The following CSMD1 variants were observed in gnomAD, a reference collection of about 807,000 sequenced individuals.
CSMD1 encodes the protein CUB and Sushi multiple domains 1, also known as CUB and sushi domain-containing protein 1.
In CSMD1, 213 loss-of-function variants were observed where a neutral mutation model predicts 417.5. The observed-to-expected ratio is 0.51, with a 90% CI of 0.46 to 0.57. The LOEUF is 0.57. Ranked by LOEUF, CSMD1 falls within the 20% of genes least tolerant of loss-of-function variation. The pLI is 0.00. For synonymous variants in CSMD1, 2,862 were observed against 1,736.8 expected, an observed-to-expected ratio of 1.65 and a Z score of -16.11; for missense variants, 6,923 against 4,529.7, an observed-to-expected ratio of 1.53 and a Z score of -15.17.
chr8:3,838,314 T>A (rs138128981), intron 5 of CSMD1, among the ~76,000 whole-genome samples: 2 of 151,930 alleles, frequency 1.3e-5, no homozygotes, highest in Non-Finnish European at 2.9e-5. Flanking sequence ...GGCAGGAGGA[T>A]TGCTTGAGTC....
At chr8:4,303,420 C>CTTTTTTTTTTTTTT (rs1563419612) in intron 3 of CSMD1, among the ~76,000 whole-genome samples, 1 of 92,318 alleles carries the variant, frequency 1.1e-5, no homozygotes, top group Non-Finnish European at 2.1e-5. Context: ...GGGCAGGAAG[C>CTTTTTTTTTTTTTT]TGTTTTTTTT....
At chr8:4,913,981 A>G (rs1184125729) in intron 1 of CSMD1, among the ~76,000 whole-genome samples, 1 of 152,232 alleles carries the variant, frequency 6.6e-6, no homozygotes, top group Non-Finnish European at 1.5e-5. Context: ...TTTAAACTAT[A>G]AATTCTGTGA....
At chr8:3,294,764 G>T (rs1046348884) in intron 25 of CSMD1, among the ~76,000 whole-genome samples, 3 of 152,146 alleles carry the variant, frequency 2.0e-5, no homozygotes, top group African/African-American at 7.2e-5. Flanking sequence ...CTGACCCCTT[G>T]CACTTCCTGG....
intron 3 of CSMD1, among the ~76,000 whole-genome samples, chr8:4,407,092 A>G (rs924542175): frequency 6.6e-6 from 1 of 152,296 alleles, no homozygotes; most frequent in African/African-American, 2.4e-5. Context: ...TGGCGCTTTC[A>G]TACTGTAGCA....
At chr8:4,827,399 A>G (rs1039303069) in intron 1 of CSMD1, among the ~76,000 whole-genome samples, 1 of 152,140 alleles carries the variant, frequency 6.6e-6, no homozygotes, top group African/African-American at 2.4e-5. Flanking sequence ...CTCGACTTCA[A>G]AGCTGTCTGG....
Position 4,259,719 on chromosome 8 carries a change from C to A in CSMD1, c.415+160234G>T, listed in dbSNP as rs762049289. Among the ~76,000 whole-genome samples the A allele has an allele frequency of 2.6e-5, 4 of 151,866 alleles. No homozygotes were observed. In the South Asian group the frequency reaches 8.3e-4, roughly 32 times the overall value. On this transcript the variant is annotated intron_variant, in intron 3 of 69. Coordinates refer to ENST00000635120, the MANE Select transcript of CSMD1 (RefSeq NM_033225.6). ...TCATGTACACATTTCAATAATTTTGCCACAAATATATACACATACACATGT... is the reference window on the plus strand; with the variant it reads ...TCATGTACACATTTCAATAATTTTGACACAAATATATACACATACACATGT...
At position 3,411,808 on chromosome 8, in the gene CSMD1, G is replaced by C. The variant is rs113018974; in HGVS notation, c.1562-2203C>G. The stretch of plus-strand genomic sequence containing the variant: ...TGTATATATACACGTATATATACAC[G>C]TATATATACGTGTATATGTATATAT... On this transcript the variant is annotated intron_variant, in intron 12 of 69. Transcript: ENST00000635120. Among the ~76,000 whole-genome samples, 4 of 108,938 alleles carry C rather than the reference G, an allele frequency of 3.7e-5. 1 individual carries two copies. The highest frequency in any genetic ancestry group is 1.5e-4 in the African/African-American group (4 of 27,566). 71.5% of individuals were successfully genotyped at this position (108,938 alleles called of 152,430 possible).
rs371508972 is a variant in CSMD1, at chr8:3,708,382, T to A, written c.1009+32A>T. The A allele has an allele frequency of 5.5e-5, 88 of 1,586,196 alleles. No homozygotes were observed. In the South Asian group the frequency reaches 8.2e-4, roughly 15 times the overall value. ...TCTCTCCTCTGCTTACAAGGGCGTA[T>A]CAATCCTCAGATAGAAAGGAAAGGG... On this transcript the variant is annotated intron_variant, in intron 7 of 69. Transcript: ENST00000635120.
At chr8:4,713,071 C>G (rs1436219938) in intron 1 of CSMD1, among the ~76,000 whole-genome samples, 2 of 152,130 alleles carry the variant, frequency 1.3e-5, no homozygotes, top group Non-Finnish European at 2.9e-5. Context: ...AGAATCGGTC[C>G]CCGCTGCACC....
At chr8:3,976,441 T>G (rs891205948) in intron 5 of CSMD1, among the ~76,000 whole-genome samples, 1 of 152,150 alleles carries the variant, frequency 6.6e-6, no homozygotes, top group Non-Finnish European at 1.5e-5. Context: ...GCAGTTTCCT[T>G]TTGTTTATTA....
At chr8:4,325,826 T>A (rs1218414908) in intron 3 of CSMD1, among the ~76,000 whole-genome samples, 2 of 152,138 alleles carry the variant, frequency 1.3e-5, no homozygotes, top group Non-Finnish European at 2.9e-5. Context: ...AGAACGACTG[T>A]AGATTAACAA....
In CSMD1 at chr8:4,497,611, G is replaced by C. The variant is rs73660885; in HGVS notation, c.303-77546C>G. Among the ~76,000 whole-genome samples, 486 of 152,270 alleles carry C rather than the reference G, an allele frequency of 3.2e-3. 4 individuals are homozygous for C. Among genetic ancestry groups the C allele is most frequent in the African/African-American group, 0.011 (453 of 41,562 alleles). On this transcript the variant is annotated intron_variant, in intron 2 of 69. Transcript: ENST00000635120. ...GGATGCTGCCATTTAGGCAAAGGCA[G>C]GCATTTAAGTAAAGACAGGTAAGAA...
intron 1 of CSMD1, among the ~76,000 whole-genome samples, chr8:4,933,938 C>T (rs1228041180): frequency 6.6e-6 from 1 of 152,040 alleles, no homozygotes; most frequent in African/African-American, 2.4e-5. Flanking sequence ...TAGGCAGAAT[C>T]ACAATGTATT....
At chr8:3,740,756 G>A (rs563603640) in intron 6 of CSMD1, among the ~76,000 whole-genome samples, 2 of 152,274 alleles carry the variant, frequency 1.3e-5, no homozygotes, top group African/African-American at 4.8e-5. Flanking sequence ...ACAAAGGAAA[G>A]CAAAGGAAAA....
At chr8:4,520,525 G>C (rs1666410367) in intron 2 of CSMD1, among the ~76,000 whole-genome samples, 1 of 152,170 alleles carries the variant, frequency 6.6e-6, no homozygotes, top group East Asian at 1.9e-4. Flanking sequence ...CATCCCGATA[G>C]GTGTCTTAGA....
intron 17 of CSMD1, among the ~76,000 whole-genome samples, chr8:3,394,014 A>AAT (rs1262136241): frequency 0.091 from 2,275 of 24,932 alleles, 14 homozygotes; most frequent in Middle Eastern, 0.12. Flanking sequence ...AAAATAAATT[A>AAT]TATATATATA....
intron 52 of CSMD1, among the ~76,000 whole-genome samples, chr8:3,006,988 C>G (rs1807967326): frequency 6.9e-6 from 1 of 144,006 alleles, no homozygotes; most frequent in African/African-American, 2.9e-5. Flanking sequence ...GAACGGGCAA[C>G]CTACAGAATG....
chr8:4,168,749 A>T (rs1797598014), intron 3 of CSMD1, among the ~76,000 whole-genome samples: 1 of 152,156 alleles, frequency 6.6e-6, no homozygotes, highest in Admixed American at 6.5e-5. Flanking sequence ...TGGCTATTCA[A>T]GTTAGGCTTT....
intron 5 of CSMD1, among the ~76,000 whole-genome samples, chr8:3,767,508 A>C (rs1417989204): frequency 6.6e-6 from 1 of 152,152 alleles, no homozygotes; most frequent in Non-Finnish European, 1.5e-5. Context: ...AACCTAACTA[A>C]GGCTTAGATT....
Sources: gnomAD v4.1 joint callset for allele counts (sites outside exome capture counted in the v4.1 genomes callset) on GRCh38, gnomAD v4.1.1 for gene constraint, MANE v1.5 for transcripts, NCBI Gene and HGNC (gene_info 2026-07-23, HGNC 2026-07-21) for gene names.